Variants in FRMD4A observed in about 807,000 individuals in gnomAD.
FRMD4A encodes FERM domain containing 4A, also known as FERM domain-containing protein 4A.
A neutral mutation model predicts 129.1 loss-of-function variants in FRMD4A; 29 were observed. The observed-to-expected ratio is 0.22, with a 90% CI of 0.17 to 0.31. The LOEUF (loss-of-function observed/expected upper bound fraction) is 0.31. Among genes scored for constraint, FRMD4A ranks in the 10% least tolerant of loss-of-function variants. FRMD4A has a pLI of 1.00. For missense variants in FRMD4A, 1,272 were observed against 1,375.8 expected, an observed-to-expected ratio of 0.92 and a Z score of 1.19; for synonymous variants, 634 against 571.6, an observed-to-expected ratio of 1.11 and a Z score of -1.56.
intron 2 of FRMD4A, among the ~76,000 whole-genome samples, chr10:14,128,182 C>A (rs1013161688): frequency 6.6e-6 from 1 of 151,086 alleles, no homozygotes; most frequent in Admixed American, 6.6e-5. Context: ...CAGCTCACTG[C>A]AACATCCACT....
chr10:13,794,572 G>A (rs2093073429), intron 5 of FRMD4A, among the ~76,000 whole-genome samples: 1 of 152,076 alleles, frequency 6.6e-6, no homozygotes, highest in Non-Finnish European at 1.5e-5. Context: ...AAGTACTCAG[G>A]TGGGGCTCTG....
intron 2 of FRMD4A, among the ~76,000 whole-genome samples, chr10:14,298,304 C>T (rs1846074888): frequency 6.6e-6 from 1 of 152,190 alleles, no homozygotes; most frequent in Non-Finnish European, 1.5e-5. Flanking sequence ...TAAGAAAAAT[C>T]ACTGAATCCT....
intron 14 of FRMD4A, among the ~76,000 whole-genome samples, chr10:13,695,751 G>T (rs940853815): frequency 2.1e-4 from 32 of 152,214 alleles, no homozygotes; most frequent in African/African-American, 6.5e-4. Context: ...CCACACAGGA[G>T]AAAGCAGGCA....
chr10:14,250,288 C>A lies in FRMD4A; in HGVS notation c.45+79770G>T, dbSNP rs138407641. Among the ~76,000 whole-genome samples the A allele has an allele frequency of 8.9e-3, 1,354 of 152,230 alleles. 16 individuals are homozygous for A. The highest frequency in any genetic ancestry group is 0.027 in the Middle Eastern group (8 of 294). On this transcript the variant is annotated intron_variant, in intron 2 of 24. Transcript: ENST00000357447. The stretch of plus-strand genomic sequence containing the variant: ...TTTTTACTTTTCTATTCCTCCTCCT[C>A]ATAAAAACTGTGCCCATTTCAAAGG...
chr10:13,672,162 G>A (rs959477252), intron 16 of FRMD4A, among the ~76,000 whole-genome samples: 2 of 152,222 alleles, frequency 1.3e-5, no homozygotes, highest in African/African-American at 4.8e-5. Context: ...TCACTCGCCT[G>A]CTTCTCCCTC....
At chr10:14,324,209 G>T (rs1356860401) in intron 2 of FRMD4A, among the ~76,000 whole-genome samples, 1 of 152,126 alleles carries the variant, frequency 6.6e-6, no homozygotes, top group African/African-American at 2.4e-5. Flanking sequence ...TACAGTTATG[G>T]ATTTCAAATT....
At chr10:13,750,272 T>C (rs1200774104) in intron 8 of FRMD4A, among the ~76,000 whole-genome samples, 5 of 152,138 alleles carry the variant, frequency 3.3e-5, no homozygotes, top group Non-Finnish European at 7.4e-5. Flanking sequence ...CTTGAACTGT[T>C]AGAATCTAAA....
At chr10:13,789,558 CCACACA>C (rs3220780) in intron 5 of FRMD4A, among the ~76,000 whole-genome samples, 4 of 144,694 alleles carry the variant, frequency 2.8e-5, no homozygotes, top group South Asian at 2.3e-4. Flanking sequence ...TATGAAAAGA[CCACACA>C]CACACACACA....
intron 12 of FRMD4A, chr10:13,707,842 G>A: frequency 1.0e-6 from 1 of 985,316 alleles, no homozygotes; most frequent in Non-Finnish European, 1.2e-6. Context: ...GTGAGAAGTG[G>A]AATGAAGGGG....
chr10:13,788,755 GA>G (rs1269399443), intron 5 of FRMD4A, among the ~76,000 whole-genome samples: 7 of 152,220 alleles, frequency 4.6e-5, no homozygotes, highest in Non-Finnish European at 7.3e-5. Context: ...GAAGGAGAAC[GA>G]AATAGGTGCT....
intron 2 of FRMD4A, among the ~76,000 whole-genome samples, chr10:14,284,440 A>G (rs995457320): frequency 5.3e-5 from 8 of 152,200 alleles, no homozygotes; most frequent in Admixed American, 3.3e-4. Flanking sequence ...CGAGATCAGG[A>G]CATCAAGACC....
intron 6 of FRMD4A, among the ~76,000 whole-genome samples, chr10:13,776,242 C>A (rs1475960615): frequency 6.6e-6 from 1 of 152,182 alleles, no homozygotes; most frequent in Non-Finnish European, 1.5e-5. Context: ...TCCAGAGAAG[C>A]TGGGACTGCA....
rs1843484722 is a variant in FRMD4A, at chr10:14,330,662, A to G, written c.-147T>C. 2 of 397,714 alleles carry G rather than the reference A, an allele frequency of 5.0e-6. No individual in the cohort carries two copies. Among genetic ancestry groups the G allele is most frequent in the Admixed American group, 4.4e-5 (1 of 22,806 alleles). 24.6% of individuals were successfully genotyped at this position (397,714 alleles called of 1,614,324 possible). A position where few individuals can be genotyped will look rare whatever the true frequency, so the allele number is the denominator to read the frequency against. ...TGTGTCCCTTTTTGCAAAATCAGAT[A>G]TCTGGGAGTGAGACAGCCGAGTCTG... is the stretch of plus-strand genomic sequence containing the variant. On this transcript the variant is annotated 5_prime_UTR_variant, in exon 1 of 25. Transcript: ENST00000357447.
At chr10:14,181,303 C>A (rs1040988910) in intron 2 of FRMD4A, among the ~76,000 whole-genome samples, 1 of 150,892 alleles carries the variant, frequency 6.6e-6, no homozygotes, top group East Asian at 1.9e-4. Flanking sequence ...TGTTTTTTTC[C>A]TTAAGGTTTG....
chr10:13,658,132 TAAAAAAAA>T lies in FRMD4A; in HGVS notation c.2067-618_2067-611del, dbSNP rs565374030. 2.5e-4 allele frequency among the ~76,000 whole-genome samples: 20 copies of T among 81,240 alleles called. No homozygotes were observed. The Admixed American group carries it at 2.8e-3, about 11-fold the overall frequency. The allele number at this position is 81,240 out of a possible 152,430, so 53.3% of individuals were successfully genotyped here. A position where few individuals can be genotyped will look rare whatever the true frequency, so the allele number is the denominator to read the frequency against. ...CAACAGGGCAAGACCCTGTCTCTCT[TAAAAAAAA>T]AAAAAAAAAAAAAAAAAGAAAACAC... On this transcript the variant is annotated intron_variant, in intron 21 of 24. Transcript: ENST00000357447.
At chr10:14,073,069 G>A (rs1225568448) in intron 2 of FRMD4A, among the ~76,000 whole-genome samples, 1 of 152,120 alleles carries the variant, frequency 6.6e-6, no homozygotes, top group Non-Finnish European at 1.5e-5. Context: ...ACAAAAACAA[G>A]ACATACACTA....
chr10:13,932,659 CTT>C (rs2131289606), intron 2 of FRMD4A, among the ~76,000 whole-genome samples: 1 of 152,256 alleles, frequency 6.6e-6, no homozygotes, highest in East Asian at 1.9e-4. Context: ...CTTACAGTCT[CTT>C]TGAGTAAGTT....
intron 6 of FRMD4A, among the ~76,000 whole-genome samples, chr10:13,763,675 CTCTT>C (rs2092163889): frequency 6.6e-6 from 1 of 152,264 alleles, no homozygotes; most frequent in African/African-American, 2.4e-5. Flanking sequence ...TTCTCTCTCT[CTCTT>C]TATATTTATA....
intron 2 of FRMD4A, among the ~76,000 whole-genome samples, chr10:14,187,120 A>G (rs577877980): frequency 7.2e-6 from 1 of 138,186 alleles, no homozygotes; most frequent in Non-Finnish European, 1.6e-5. Context: ...CTCTGTCTCA[A>G]AGGAAAGAAG....
Sources: allele counts gnomAD v4.1 joint callset (sites outside exome capture counted in the v4.1 genomes callset), GRCh38; gene constraint gnomAD v4.1.1; transcripts MANE v1.5; gene names NCBI Gene and HGNC (gene_info 2026-07-23, HGNC 2026-07-21).